Variants in EYA2 observed in about 807,000 individuals in gnomAD.
The protein encoded by EYA2 is EYA transcriptional coactivator and phosphatase 2, also known as protein phosphatase EYA2.
Under a neutral mutation model 69.2 loss-of-function variants are expected in EYA2, and 31 were observed. The ratio of observed to expected loss-of-function variants is 0.45; its 90% confidence interval spans 0.34 to 0.60. The LOEUF is 0.60. EYA2 is among the 20% of genes least tolerant of loss of function. EYA2 has a pLI of 0.02. For synonymous variants in EYA2, 257 were observed against 279.4 expected (o/e 0.92, Z 0.80); for missense variants, 622 against 701.2 (o/e 0.89, Z 1.28).
At chr20:46,898,791 C>T (rs1270579447) in intron 1 of EYA2, among the ~76,000 whole-genome samples, 13 of 152,108 alleles carry the variant, frequency 8.5e-5, no homozygotes, top group Admixed American at 5.9e-4. Context: ...TTGTTCTTTA[C>T]GGCGTGTGAT....
intron 5 of EYA2, among the ~76,000 whole-genome samples, chr20:47,038,238 A>C (rs1353299540): frequency 3.3e-5 from 5 of 152,054 alleles, no homozygotes; most frequent in African/African-American, 1.2e-4. Flanking sequence ...AGTGGCTCAT[A>C]CCTGTAATCC....
chr20:47,092,934 C>T (rs573517793), intron 8 of EYA2, among the ~76,000 whole-genome samples: 20 of 152,246 alleles, frequency 1.3e-4, no homozygotes, highest in African/African-American at 3.9e-4. Context: ...TTCAGCTGCA[C>T]GTGCCAGGGA....
chr20:47,163,268 C>T (rs143252063), intron 10 of EYA2, among the ~76,000 whole-genome samples: 2,820 of 152,126 alleles, frequency 0.019, 98 homozygotes, highest in African/African-American at 0.064. Flanking sequence ...TGACCTCAAG[C>T]TATCTGCCCA....
chr20:47,163,833 C>T (rs2034124930), intron 10 of EYA2, among the ~76,000 whole-genome samples: 2 of 152,016 alleles, frequency 1.3e-5, no homozygotes, highest in Non-Finnish European at 2.9e-5. Context: ...CAGTTTCTCA[C>T]CAGGATGATG....
At chr20:46,935,009 C>T (rs1985847994) in intron 1 of EYA2, among the ~76,000 whole-genome samples, 1 of 152,252 alleles carries the variant, frequency 6.6e-6, no homozygotes, top group African/African-American at 2.4e-5. Context: ...ATATTCTAAT[C>T]ATACCCTAGG....
chr20:47,145,940 A>G (rs2033691903), intron 10 of EYA2, among the ~76,000 whole-genome samples: 1 of 151,928 alleles, frequency 6.6e-6, no homozygotes, highest in Admixed American at 6.6e-5. Flanking sequence ...ATGTGGAGGC[A>G]GAGAGACCAG....
At chr20:46,999,122 A>G (rs1982205425) in intron 2 of EYA2, among the ~76,000 whole-genome samples, 1 of 152,206 alleles carries the variant, frequency 6.6e-6, no homozygotes, top group South Asian at 2.1e-4. Flanking sequence ...TGGAATGCCA[A>G]GTTAATTCGA....
intron 7 of EYA2, among the ~76,000 whole-genome samples, chr20:47,087,134 A>G (rs966678476): frequency 2.6e-5 from 4 of 152,188 alleles, no homozygotes; most frequent in Non-Finnish European, 4.4e-5. Flanking sequence ...TGACAGCGCA[A>G]AATCATGTCT....
intron 1 of EYA2, among the ~76,000 whole-genome samples, chr20:46,987,964 C>CTCTCTCTCTCTA (rs1555809797): frequency 3.5e-4 from 4 of 11,276 alleles, no homozygotes; most frequent in African/African-American, 8.3e-4. Flanking sequence ...CTCTCTCTCT[C>CTCTCTCTCTCTA]TATATATATA....
intron 1 of EYA2, among the ~76,000 whole-genome samples, chr20:46,911,185 C>G (rs1984625080): frequency 6.6e-6 from 1 of 152,102 alleles, no homozygotes; most frequent in Non-Finnish European, 1.5e-5. Flanking sequence ...TCAGGTAACA[C>G]AGGGTTTCTC....
intron 6 of EYA2, among the ~76,000 whole-genome samples, chr20:47,073,163 C>G (rs2031378829): frequency 6.6e-6 from 1 of 152,216 alleles, no homozygotes; most frequent in Non-Finnish European, 1.5e-5. Context: ...TGACTCCCAG[C>G]TCTGGGGTGG....
chr20:47,093,254 GT>G (rs2032141355), intron 8 of EYA2, among the ~76,000 whole-genome samples: 1 of 152,150 alleles, frequency 6.6e-6, no homozygotes, highest in Non-Finnish European at 1.5e-5. Context: ...GTGTTAGTTT[GT>G]TTGTATCTTT....
At chr20:47,053,318 C>T (rs7348582) in intron 5 of EYA2, among the ~76,000 whole-genome samples, 2,100 of 152,292 alleles carry the variant, frequency 0.014, 53 homozygotes, top group African/African-American at 0.049. Flanking sequence ...ATGCCACGGA[C>T]ATGCTGTACA....
chr20:46,903,686 C>T (rs1039435077), intron 1 of EYA2, among the ~76,000 whole-genome samples: 1 of 152,078 alleles, frequency 6.6e-6, no homozygotes, highest in African/African-American at 2.4e-5. Context: ...AGAAAGCTAT[C>T]GTGGAGATTG....
chr20:47,047,265 T>C (rs568786338), intron 5 of EYA2, among the ~76,000 whole-genome samples: 2 of 152,196 alleles, frequency 1.3e-5, no homozygotes, highest in South Asian at 4.2e-4. Context: ...GTGGATGATC[T>C]GAGACTCCTA....
At chr20:46,922,991 A>G (rs182932331) in intron 1 of EYA2, among the ~76,000 whole-genome samples, 1 of 152,352 alleles carries the variant, frequency 6.6e-6, no homozygotes, top group African/African-American at 2.4e-5. Flanking sequence ...CAAACCTAGA[A>G]TGAGGAACAT....
intron 1 of EYA2, among the ~76,000 whole-genome samples, chr20:46,939,513 T>G (rs1350468457): frequency 6.6e-6 from 1 of 152,194 alleles, no homozygotes; most frequent in African/African-American, 2.4e-5. Context: ...GTTCCAGTTA[T>G]GTGAGTCAAT....
intron 1 of EYA2, among the ~76,000 whole-genome samples, chr20:46,939,318 C>A (rs1986054492): frequency 2.0e-5 from 3 of 152,146 alleles, no homozygotes; most frequent in Admixed American, 6.5e-5. Flanking sequence ...ACACTGGGAG[C>A]CATCTTTTCT....
intron 1 of EYA2, chr20:46,901,237 C>G (rs1984090901): frequency 6.6e-6 from 1 of 152,156 alleles, no homozygotes; most frequent in Non-Finnish European, 1.5e-5. Context: ...TGTTTCCTAC[C>G]TGGTATTCGG....
Sources: allele counts gnomAD v4.1 joint callset (sites outside exome capture counted in the v4.1 genomes callset), GRCh38; gene constraint gnomAD v4.1.1; transcripts MANE v1.5; gene names NCBI Gene and HGNC (gene_info 2026-07-23, HGNC 2026-07-21).